SPHKAP: variants seen among roughly 807,000 people sequenced by gnomAD.
The protein encoded by SPHKAP is SPHK1 interactor, AKAP domain containing.
SPHKAP carries 67 observed loss-of-function variants against 137.5 expected under a neutral mutation model. The ratio of observed to expected loss-of-function variants is 0.49; its 90% CI spans 0.40 to 0.60. The LOEUF is 0.60. SPHKAP is among the 20% of genes least tolerant of loss of function. The pLI, the probability that SPHKAP is intolerant of heterozygous loss-of-function variation, is 0.00. For missense variants in SPHKAP, 2,097 were observed against 2,069.3 expected (o/e 1.01, Z -0.26); for synonymous variants, 813 against 785.3 (o/e 1.04, Z -0.59).
Position 227,991,387 on chromosome 2 carries a change from AG to A in SPHKAP, c.4722-62del, listed in dbSNP as rs541958362. 1.5e-4 allele frequency: 245 copies of A among 1,612,220 alleles called. 1 individual carries two copies. The African/African-American group carries it at 3.0e-3, about 20-fold the overall frequency. On this transcript the variant is annotated intron_variant, in intron 9 of 11. Coordinates refer to ENST00000392056, the MANE Select transcript of SPHKAP (RefSeq NM_001142644.2). Reference sequence around the variant, plus strand: ...TTTAGAAGAATAAGCTGTAAATGAAAGATGAGGCGATGGGTCTTACTGATCT... The same window carrying A: ...TTTAGAAGAATAAGCTGTAAATGAAAATGAGGCGATGGGTCTTACTGATCT...
At chr2:228,160,282 C>G (rs1044507012) in intron 1 of SPHKAP, among the ~76,000 whole-genome samples, 19 of 152,118 alleles carry the variant, frequency 1.2e-4, no homozygotes, top group Non-Finnish European at 2.2e-4. Context: ...AATATATTTA[C>G]TTTGTTACCG....
intron 2 of SPHKAP, among the ~76,000 whole-genome samples, chr2:228,117,968 C>T (rs1038144607): frequency 6.6e-6 from 1 of 151,362 alleles, no homozygotes; most frequent in Non-Finnish European, 1.5e-5. Context: ...GATAAAAAGA[C>T]AATATTTTAG....
At chr2:228,015,189 C>T (rs939055629) in intron 7 of SPHKAP, among the ~76,000 whole-genome samples, 8 of 150,668 alleles carry the variant, frequency 5.3e-5, no homozygotes, top group South Asian at 2.1e-4. Context: ...TTTGTCCTTG[C>T]GATAGTTTAC....
chr2:228,009,886 C>A lies in SPHKAP; in HGVS notation c.4448+6520G>T. ...ACTCTGGCTAGTTGGGACTAAACAT[C>A]TTCCAGTACTATGCGAGCTTGTGGC... On this transcript the variant is annotated intron_variant, in intron 7 of 11. Transcript: ENST00000392056. 1.3e-5 allele frequency among the ~76,000 whole-genome samples: 2 copies of A among 152,170 alleles called. 1 individual carries two copies. Among genetic ancestry groups the A allele is most frequent in the Admixed American group, 1.3e-4 (2 of 15,274 alleles).
intron 3 of SPHKAP, among the ~76,000 whole-genome samples, chr2:228,071,891 C>G (rs751045290): frequency 5.3e-5 from 8 of 152,112 alleles, no homozygotes; most frequent in Non-Finnish European, 8.8e-5. Context: ...TTAACTGGGC[C>G]ACTGGATGTC....
intron 3 of SPHKAP, among the ~76,000 whole-genome samples, chr2:228,102,806 G>A (rs557333356): frequency 6.6e-6 from 1 of 152,214 alleles, no homozygotes; most frequent in East Asian, 1.9e-4. Context: ...GCAATGGTGT[G>A]ATTATAGCTC....
At chr2:228,001,051 T>G (rs1224296908) in intron 7 of SPHKAP, among the ~76,000 whole-genome samples, 12 of 152,052 alleles carry the variant, frequency 7.9e-5, no homozygotes, top group Admixed American at 7.9e-4. Flanking sequence ...AGCATCTGGT[T>G]TTGTCAGTAT....
chr2:228,115,261 TG>T (rs1407200155), intron 2 of SPHKAP, among the ~76,000 whole-genome samples: 1 of 152,156 alleles, frequency 6.6e-6, no homozygotes, highest in Non-Finnish European at 1.5e-5. Context: ...TTAACCTTTC[TG>T]TAGAGCTTGG....
chr2:228,097,357 C>T (rs150255555), intron 3 of SPHKAP, among the ~76,000 whole-genome samples: 46 of 152,260 alleles, frequency 3.0e-4, no homozygotes, highest in Middle Eastern at 3.4e-3. Context: ...ATATTTCTAG[C>T]GGCAAAAATG....
At chr2:228,001,782 A>G (rs1343547889) in intron 7 of SPHKAP, among the ~76,000 whole-genome samples, 1 of 151,620 alleles carries the variant, frequency 6.6e-6, no homozygotes, top group African/African-American at 2.4e-5. Flanking sequence ...ATGTGTTCTC[A>G]TTGTTCAATT....
chr2:228,127,614 G>A (rs1260290019), intron 2 of SPHKAP, among the ~76,000 whole-genome samples: 1 of 152,190 alleles, frequency 6.6e-6, no homozygotes, highest in Non-Finnish European at 1.5e-5. Context: ...AAGTTTGGGT[G>A]TATATTCTCT....
chr2:228,145,198 A>G (rs564822762), intron 1 of SPHKAP, among the ~76,000 whole-genome samples: 22 of 152,202 alleles, frequency 1.4e-4, no homozygotes, highest in Non-Finnish European at 3.1e-4. Flanking sequence ...CAACATCATC[A>G]CACCACAAAA....
At chr2:228,015,789 AGAC>A in intron 7 of SPHKAP, among the ~76,000 whole-genome samples, 1 of 152,190 alleles carries the variant, frequency 6.6e-6, no homozygotes, top group Admixed American at 6.5e-5. Flanking sequence ...CTTTAGAAAA[AGAC>A]AAAAAACAAA....
At chr2:228,137,233 G>A (rs1337737948) in intron 1 of SPHKAP, among the ~76,000 whole-genome samples, 1 of 152,198 alleles carries the variant, frequency 6.6e-6, no homozygotes, top group African/African-American at 2.4e-5. Flanking sequence ...TTCTAAAAGG[G>A]CAGGGGATCA....
intron 7 of SPHKAP, among the ~76,000 whole-genome samples, chr2:227,997,635 A>C (rs1559338095): frequency 1.3e-5 from 2 of 152,054 alleles, no homozygotes; most frequent in Admixed American, 6.6e-5. Flanking sequence ...ACTACCCCTC[A>C]AGCCTCAGCC....
At chr2:228,074,286 A>G (rs1487774253) in intron 3 of SPHKAP, among the ~76,000 whole-genome samples, 2 of 152,204 alleles carry the variant, frequency 1.3e-5, no homozygotes, top group African/African-American at 4.8e-5. Flanking sequence ...TGTACTTTAC[A>G]TTAATGCCCA....
At chr2:228,169,818 A>T (rs1256807167) in intron 1 of SPHKAP, 2 of 152,158 alleles carry the variant, frequency 1.3e-5, no homozygotes, top group Non-Finnish European at 2.9e-5. Context: ...CACAGGAATG[A>T]CATGAAAATT....
intron 11 of SPHKAP, among the ~76,000 whole-genome samples, chr2:227,984,695 C>T (rs897533287): frequency 6.6e-6 from 1 of 152,160 alleles, no homozygotes; most frequent in East Asian, 1.9e-4. Flanking sequence ...GGCTTTTCCT[C>T]ACTCTCCAGC....
At chr2:228,168,063 CTA>C (rs1700472750) in intron 1 of SPHKAP, among the ~76,000 whole-genome samples, 1 of 152,008 alleles carries the variant, frequency 6.6e-6, no homozygotes, top group South Asian at 2.1e-4. Flanking sequence ...CTTTAGCATT[CTA>C]TCTTATTATA....
Sources: gnomAD v4.1 joint callset for allele counts (sites outside exome capture counted in the v4.1 genomes callset) on GRCh38, gnomAD v4.1.1 for gene constraint, MANE v1.5 for transcripts, NCBI Gene and HGNC (gene_info 2026-07-23, HGNC 2026-07-21) for gene names.